SH3D19: variants seen among roughly 807,000 people sequenced by gnomAD.
SH3D19 encodes SH3 domain containing 19, also known as SH3 domain-containing protein 19.
Under a neutral mutation model 112.1 loss-of-function variants are expected in SH3D19, and 58 were observed. The ratio of observed to expected loss-of-function variants is 0.52; its 90% CI spans 0.42 to 0.64. The LOEUF (loss-of-function observed/expected upper bound fraction) is 0.64, where lower values mean the gene tolerates loss of function less well. SH3D19 is among the 30% of genes least tolerant of loss of function. The pLI is 0.00. For synonymous variants in SH3D19, 391 were observed against 448.5 expected (o/e 0.87, Z 1.62); for missense variants, 1,090 against 1,263.4 (o/e 0.86, Z 2.08).
intron 1 of SH3D19, among the ~76,000 whole-genome samples, chr4:151,301,157 G>T (rs981836067): frequency 1.3e-5 from 2 of 152,222 alleles, no homozygotes; most frequent in African/African-American, 4.8e-5. Context: ...CATGGGAGTA[G>T]CTTCTCCATG....
At chr4:151,232,138 C>G (rs1424700573) in intron 1 of SH3D19, among the ~76,000 whole-genome samples, 2 of 152,176 alleles carry the variant, frequency 1.3e-5, no homozygotes, top group Admixed American at 6.5e-5. Flanking sequence ...CAGCTGAGGT[C>G]ACGCCACTGC....
chr4:151,307,154 G>A (rs1432395073), intron 1 of SH3D19, among the ~76,000 whole-genome samples: 1 of 150,898 alleles, frequency 6.6e-6, no homozygotes, highest in East Asian at 1.9e-4. Context: ...AAGTAGCTGG[G>A]ACTACAGGCG....
chr4:151,252,119 G>A (rs144837568), intron 1 of SH3D19, among the ~76,000 whole-genome samples: 43 of 152,210 alleles, frequency 2.8e-4, no homozygotes, highest in African/African-American at 1.0e-3. Flanking sequence ...CCTGCTCAAG[G>A]ACACCATTGC....
At chr4:151,238,089 G>C (rs965892229) in intron 1 of SH3D19, among the ~76,000 whole-genome samples, 3 of 152,160 alleles carry the variant, frequency 2.0e-5, no homozygotes, top group African/African-American at 7.2e-5. Flanking sequence ...CAGATAAACT[G>C]TGCCAACCAG....
chr4:151,228,138 C>A, intron 1 of SH3D19: 1 of 701,602 alleles, frequency 1.4e-6, no homozygotes, highest in Non-Finnish European at 1.8e-6. Context: ...TCTATTGAAC[C>A]AGTAATTAAA....
intron 1 of SH3D19, among the ~76,000 whole-genome samples, chr4:151,261,881 G>T (rs762774244): frequency 6.6e-6 from 1 of 152,064 alleles, no homozygotes; most frequent in African/African-American, 2.4e-5. Flanking sequence ...GGTGGATAGG[G>T]GAAGGAGACA....
chr4:151,149,606 CA>C, intron 9 of SH3D19, 45 bp from the exon 10 acceptor site: 9 of 1,560,990 alleles, frequency 5.8e-6, no homozygotes, highest in Non-Finnish European at 7.9e-6. Flanking sequence ...TAATCTGAAA[CA>C]AGAACTTGTC....
At chr4:151,264,242 C>A (rs1446879355) in intron 1 of SH3D19, among the ~76,000 whole-genome samples, 1 of 151,872 alleles carries the variant, frequency 6.6e-6, no homozygotes, top group Non-Finnish European at 1.5e-5. Context: ...ACCAGCCTGG[C>A]CAACATGGTG....
intron 1 of SH3D19, among the ~76,000 whole-genome samples, chr4:151,255,118 G>A (rs1324760838): frequency 4.0e-5 from 6 of 150,526 alleles, no homozygotes; most frequent in East Asian, 2.0e-4. Context: ...CTGGCCTGGC[G>A]GGGGGCTGAC....
chr4:151,230,518 T>C (rs1463900379), intron 1 of SH3D19, among the ~76,000 whole-genome samples: 2 of 151,990 alleles, frequency 1.3e-5, no homozygotes, highest in South Asian at 2.1e-4. Context: ...TTCTTTGAAA[T>C]TAAGGGCAAG....
At chr4:151,188,469 CCAGTT>C (rs1340881217) in intron 2 of SH3D19, among the ~76,000 whole-genome samples, 2 of 152,186 alleles carry the variant, frequency 1.3e-5, no homozygotes, top group African/African-American at 4.8e-5. Context: ...TATATACTTA[CCAGTT>C]AAGTATCCCT....
intron 1 of SH3D19, among the ~76,000 whole-genome samples, chr4:151,307,017 CTT>C (rs750863632): frequency 0.076 from 9,330 of 122,788 alleles, 774 homozygotes; most frequent in African/African-American, 0.26. Context: ...ATGATGACTT[CTT>C]TTTTTTTTTT....
intron 1 of SH3D19, chr4:151,277,120 G>A: frequency 7.5e-7 from 1 of 1,328,560 alleles, no homozygotes; most frequent in East Asian, 2.7e-5. Context: ...GCCTCTTCCT[G>A]GGAGCCTGAG....
At chr4:151,180,598 G>T (rs1375801161) in intron 3 of SH3D19, among the ~76,000 whole-genome samples, 1 of 151,306 alleles carries the variant, frequency 6.6e-6, no homozygotes, top group Non-Finnish European at 1.5e-5. Context: ...AGTAGATACG[G>T]GGTTTCACCG....
At position 151,315,735 on chromosome 4, in the gene SH3D19, C is replaced by T. The variant is rs553357581; in HGVS notation, c.112+9506G>A. 9.8e-4 allele frequency among the ~76,000 whole-genome samples: 149 copies of T among 152,046 alleles called. 2 individuals are homozygous for T. In the South Asian group the frequency reaches 0.029, roughly 30 times the overall value. ...GGGAGGCAGAGGCAAGAAGATCCCT[C>T]GAGCCCAGGAGTCTGAGTACAGCCT... On this transcript the variant is annotated intron_variant, in intron 1 of 19. Transcript: ENST00000604030.
At chr4:151,265,701 G>A (rs892008469) in intron 1 of SH3D19, among the ~76,000 whole-genome samples, 21 of 150,412 alleles carry the variant, frequency 1.4e-4, no homozygotes, top group African/African-American at 4.2e-4. Context: ...CTCAGCCTCC[G>A]GAGTAGCTAG....
At chr4:151,162,858 A>T (rs1757395454) in intron 8 of SH3D19, among the ~76,000 whole-genome samples, 1 of 152,172 alleles carries the variant, frequency 6.6e-6, no homozygotes, top group Non-Finnish European at 1.5e-5. Context: ...TATAGGCATG[A>T]GCCACCACAC....
chr4:151,206,488 G>A (rs1052238898), intron 2 of SH3D19, among the ~76,000 whole-genome samples: 3 of 152,052 alleles, frequency 2.0e-5, no homozygotes, highest in African/African-American at 7.3e-5. Flanking sequence ...CATAAATACT[G>A]TAAAGTACTA....
At chr4:151,220,124 A>T (rs1449670123) in intron 2 of SH3D19, among the ~76,000 whole-genome samples, 3 of 152,186 alleles carry the variant, frequency 2.0e-5, no homozygotes, top group African/African-American at 7.2e-5. Context: ...GTCTGCTTCA[A>T]CAACCTATTT....
Sources: allele counts gnomAD v4.1 joint callset (sites outside exome capture counted in the v4.1 genomes callset), GRCh38; gene constraint gnomAD v4.1.1; transcripts MANE v1.5; gene names NCBI Gene and HGNC (gene_info 2026-07-23, HGNC 2026-07-21).